The following LRRC4C variants were observed in gnomAD, a reference collection of about 807,000 sequenced individuals.
LRRC4C encodes the protein leucine rich repeat containing 4C.
Under a neutral mutation model 33.6 loss-of-function variants are expected in LRRC4C, and 5 were observed. That is an observed-to-expected ratio of 0.15 (90% CI 0.08 to 0.31). The LOEUF is 0.31. Among genes scored for constraint, LRRC4C ranks in the 10% least tolerant of loss-of-function variants. LRRC4C has a pLI of 1.00. For synonymous variants in LRRC4C, 329 were observed against 302.0 expected (o/e 1.09, Z -0.93); for missense variants, 560 against 796.7 (o/e 0.70, Z 3.58).
Position 40,332,873 on chromosome 11 carries a change from C to T in LRRC4C, c.-269-13152G>A, listed in dbSNP as rs1479906607. Among the ~76,000 whole-genome samples, 3 of 152,286 alleles carry T rather than the reference C, an allele frequency of 2.0e-5. No individual in the cohort carries two copies. In the East Asian group the frequency reaches 5.8e-4, roughly 29 times the overall value. ...TCTTCTGTTCCCATTATAGCATCTG[C>T]ATATATCTTCACTAAGCCAATTGTC... is the stretch of plus-strand genomic sequence containing the variant. On this transcript the variant is annotated intron_variant, in intron 3 of 6. Coordinates refer to ENST00000528697, the MANE Select transcript of LRRC4C (RefSeq NM_001258419.2).
intron 4 of LRRC4C, among the ~76,000 whole-genome samples, chr11:40,265,711 T>C (rs577946334): frequency 2.0e-5 from 3 of 152,176 alleles, no homozygotes; most frequent in Non-Finnish European, 4.4e-5. Context: ...AAAATATCAA[T>C]AAAATTCAGC....
chr11:41,044,401 C>A (rs1370877447), intron 1 of LRRC4C, among the ~76,000 whole-genome samples: 1 of 152,100 alleles, frequency 6.6e-6, no homozygotes, highest in Non-Finnish European at 1.5e-5. Flanking sequence ...CAGAATAGTC[C>A]TTTCCCAAAT....
intron 3 of LRRC4C, among the ~76,000 whole-genome samples, chr11:40,378,588 C>T (rs543205937): frequency 7.9e-5 from 12 of 151,902 alleles, no homozygotes; most frequent in African/African-American, 2.9e-4. Context: ...AATTATTGAC[C>T]ACAGATTGGA....
At chr11:40,969,670 T>C (rs777716867) in intron 1 of LRRC4C, among the ~76,000 whole-genome samples, 8 of 152,222 alleles carry the variant, frequency 5.3e-5, no homozygotes, top group Admixed American at 4.6e-4. Flanking sequence ...TAGCACTTTA[T>C]GGAAAAAGTA....
intron 6 of LRRC4C, among the ~76,000 whole-genome samples, chr11:40,124,689 G>A (rs1265187753): frequency 6.6e-6 from 1 of 152,096 alleles, no homozygotes. Context: ...AGGCAAAGGA[G>A]GGATGGTTAG....
At chr11:41,080,395 A>G (rs1294520662) in intron 1 of LRRC4C, among the ~76,000 whole-genome samples, 1 of 115,176 alleles carries the variant, frequency 8.7e-6, no homozygotes, top group African/African-American at 3.3e-5. Flanking sequence ...CTTGTTGCCC[A>G]GGGTGGAGTG....
intron 3 of LRRC4C, among the ~76,000 whole-genome samples, chr11:40,587,082 T>C (rs1268813773): frequency 4.6e-5 from 7 of 151,982 alleles, no homozygotes; most frequent in East Asian, 1.9e-4. Context: ...GCCATTTTCA[T>C]GATATTGATT....
chr11:41,431,728 C>T (rs75616091), intron 1 of LRRC4C, among the ~76,000 whole-genome samples: 7,995 of 151,938 alleles, frequency 0.053, 256 homozygotes, highest in East Asian at 0.13. Context: ...ATAGAACTAC[C>T]GCCGACAATA....
intron 5 of LRRC4C, among the ~76,000 whole-genome samples, chr11:40,232,858 T>C (rs764772171): frequency 6.6e-6 from 1 of 152,202 alleles, no homozygotes; most frequent in Non-Finnish European, 1.5e-5. Context: ...CTTTCTGTTT[T>C]CTCTGCCTCG....
At chr11:41,371,026 T>G (rs1460588392) in intron 1 of LRRC4C, among the ~76,000 whole-genome samples, 2 of 152,166 alleles carry the variant, frequency 1.3e-5, no homozygotes, top group Non-Finnish European at 2.9e-5. Flanking sequence ...GATGAAATTT[T>G]TCCTTACTGG....
chr11:40,563,960 A>G (rs1957654505), intron 3 of LRRC4C, among the ~76,000 whole-genome samples: 1 of 152,180 alleles, frequency 6.6e-6, no homozygotes, highest in Non-Finnish European at 1.5e-5. Flanking sequence ...CTAGGGTTAC[A>G]TTTCAGTGCA....
intron 1 of LRRC4C, among the ~76,000 whole-genome samples, chr11:41,418,909 C>T (rs1032431439): frequency 2.6e-5 from 4 of 151,786 alleles, no homozygotes; most frequent in Admixed American, 6.6e-5. Context: ...TAAATATTAC[C>T]TTCACAAGTG....
At chr11:40,947,364 T>C (rs1472011207) in intron 1 of LRRC4C, among the ~76,000 whole-genome samples, 4 of 152,168 alleles carry the variant, frequency 2.6e-5, no homozygotes, top group African/African-American at 7.2e-5. Flanking sequence ...AGTAAAGTTA[T>C]GTAAAAATAA....
intron 1 of LRRC4C, among the ~76,000 whole-genome samples, chr11:41,234,614 T>C (rs1386875019): frequency 6.6e-6 from 1 of 152,006 alleles, no homozygotes; most frequent in African/African-American, 2.4e-5. Flanking sequence ...GGTGAATCTC[T>C]GGTAGAAAGG....
At chr11:41,102,979 A>G (rs961516641) in intron 1 of LRRC4C, among the ~76,000 whole-genome samples, 17 of 151,996 alleles carry the variant, frequency 1.1e-4, no homozygotes, top group Non-Finnish European at 2.4e-4. Flanking sequence ...ATGTCAATTC[A>G]AAAGGAAACC....
At chr11:40,248,645 G>A (rs1356001533) in intron 4 of LRRC4C, among the ~76,000 whole-genome samples, 2 of 152,150 alleles carry the variant, frequency 1.3e-5, no homozygotes, top group Non-Finnish European at 2.9e-5. Context: ...TGAGGCTGCA[G>A]TGAGCTAGGA....
intron 6 of LRRC4C, among the ~76,000 whole-genome samples, chr11:40,133,462 C>T (rs1010671554): frequency 1.6e-4 from 24 of 152,086 alleles, no homozygotes; most frequent in Admixed American, 1.6e-3. Context: ...TAACCCCAGG[C>T]GAAGCACTAA....
intron 2 of LRRC4C, among the ~76,000 whole-genome samples, chr11:40,738,295 G>T (rs962978064): frequency 1.3e-5 from 2 of 152,048 alleles, no homozygotes; most frequent in Admixed American, 6.6e-5. Flanking sequence ...AGTGTACCAC[G>T]ATACGGCCCT....
intron 1 of LRRC4C, among the ~76,000 whole-genome samples, chr11:40,962,691 A>G (rs1197177043): frequency 6.6e-6 from 1 of 151,774 alleles, no homozygotes; most frequent in Non-Finnish European, 1.5e-5. Context: ...AATATGTAGA[A>G]TATTATTCAC....
Sources: gnomAD v4.1 joint callset for allele counts (sites outside exome capture counted in the v4.1 genomes callset) on GRCh38, gnomAD v4.1.1 for gene constraint, MANE v1.5 for transcripts, NCBI Gene and HGNC (gene_info 2026-07-23, HGNC 2026-07-21) for gene names.